TNFRSF19: variants seen among roughly 807,000 people sequenced by gnomAD.
The protein encoded by TNFRSF19 is tumor necrosis factor receptor superfamily member 19.
TNFRSF19 carries 27 observed loss-of-function variants against 46.4 expected under a neutral mutation model. That is an observed-to-expected ratio of 0.58 (90% CI 0.43 to 0.80). The LOEUF is 0.80. TNFRSF19 is among the 30% of genes least tolerant of loss of function. TNFRSF19 has a pLI of 0.00. For missense variants in TNFRSF19, 511 were observed against 530.8 expected, an observed-to-expected ratio of 0.96 and a Z score of 0.37; for synonymous variants, 204 against 205.0, an observed-to-expected ratio of 1.00 and a Z score of 0.04.
Position 23,668,830 on chromosome 13 carries a change from T to A in TNFRSF19, c.978T>A (p.Tyr326Ter). ...ACAACATCTCTTTTTGTGACTCTTA[T>A]CCTGAACTCACTGGAGAAGACATTC... Reference protein sequence around the residue: ...GGDNISFCDSYPELTGEDIHS... With the variant: ...GGDNISFCDS Residue 326 changes from tyrosine (Y) to a stop codon, truncating the protein, a stop_gained, in exon 9 of 10, where the codon TAT (tyrosine) becomes TAA (stop). Transcript: ENST00000248484. LOFTEE classifies it high-confidence loss of function. 1 of 1,614,250 alleles carries A rather than the reference T, an allele frequency of 6.2e-7. No homozygotes were observed. Among genetic ancestry groups the A allele is most frequent in the Non-Finnish European group, 8.5e-7 (1 of 1,180,046 alleles).
In TNFRSF19 at chr13:23,593,345, T is replaced by C; in HGVS notation, c.70T>C (p.Ser24Pro). 6.4e-7 allele frequency: 1 copy of C among 1,550,950 alleles called. No individual in the cohort carries two copies. ...FTLLVLLGYL[S>P]CKVTCESGDC... Reference sequence around the variant, plus strand: ...CATTTTGTTAAATTTTTTTTTTCAGTCATGTAAAGTGACTTGTGAATCAGG... The same window carrying C: ...CATTTTGTTAAATTTTTTTTTTCAGCCATGTAAAGTGACTTGTGAATCAGG... Residue 24 changes from serine to proline, a missense_variant and splice_region_variant, in exon 3 of 10, where the codon TCA becomes CCA. Ser to Pro is a moderately conservative substitution (Grantham distance 74, BLOSUM62 -1). Coordinates refer to ENST00000248484, the MANE Select transcript of TNFRSF19 (RefSeq NM_148957.4).
At chr13:23,656,584 G>A (rs1376570137) in intron 5 of TNFRSF19, among the ~76,000 whole-genome samples, 1 of 152,158 alleles carries the variant, frequency 6.6e-6, no homozygotes, top group East Asian at 1.9e-4. Flanking sequence ...TGAGAACTTT[G>A]AAGTCCTCCA....
In TNFRSF19 at chr13:23,668,749, C is replaced by T. The variant is rs756680746; in HGVS notation, c.897C>T (p.Ser299=). ...VPTFFGSLTQ[S]ICGEFSDAWP... is the part of the protein sequence containing the mutation. ...CTTTCTTCGGATCCCTCACGCAGTC[C>T]ATCTGTGGCGAGTTTTCAGATGCCT... Residue 299 remains serine (S), a synonymous_variant, in exon 9 of 10, where the codon TCC becomes TCT. Coordinates refer to ENST00000248484, the MANE Select transcript of TNFRSF19 (RefSeq NM_148957.4). The T allele has an allele frequency of 2.5e-6, 4 of 1,614,248 alleles. No homozygotes were observed. The highest frequency in any genetic ancestry group is 3.4e-6 in the Non-Finnish European group (4 of 1,180,042).
chr13:23,602,299 C>G, intron 3 of TNFRSF19, among the ~76,000 whole-genome samples: 1 of 152,088 alleles, frequency 6.6e-6, no homozygotes, highest in East Asian at 1.9e-4. Flanking sequence ...CATAAGGGAG[C>G]TAATTGTCTA....
rs543372318 is a variant in TNFRSF19, at chr13:23,587,372, C to T, written c.-34-2778C>T. Among the ~76,000 whole-genome samples, 248 of 152,232 alleles carry T rather than the reference C, an allele frequency of 1.6e-3. 4 individuals are homozygous for T. The highest frequency in any genetic ancestry group is 5.7e-3 in the African/African-American group (237 of 41,560). ...CCTCCACCAGCTAAATTGTTTATTT[C>T]TAAAATACTCCTAGGCCAGGCTATG... On this transcript the variant is annotated intron_variant, in intron 1 of 9. Transcript: ENST00000248484.
chr13:23,657,232 G>C (rs1184336994), intron 5 of TNFRSF19, among the ~76,000 whole-genome samples: 7 of 152,148 alleles, frequency 4.6e-5, no homozygotes, highest in Non-Finnish European at 5.9e-5. Context: ...CAAGACTCAT[G>C]CTCCAAGATG....
intron 1 of TNFRSF19, chr13:23,585,401 G>C (rs1023795117): frequency 6.6e-6 from 1 of 152,096 alleles, no homozygotes; most frequent in Non-Finnish European, 1.5e-5. Flanking sequence ...TTCTCAGAAA[G>C]GTTACTGATT....
At chr13:23,583,917 G>C (rs557635431) in intron 1 of TNFRSF19, among the ~76,000 whole-genome samples, 1 of 152,270 alleles carries the variant, frequency 6.6e-6, no homozygotes, top group East Asian at 1.9e-4. Context: ...AAACACATTA[G>C]TTACAGTATG....
At chr13:23,604,490 G>A (rs1439614774) in intron 3 of TNFRSF19, among the ~76,000 whole-genome samples, 1 of 152,092 alleles carries the variant, frequency 6.6e-6, no homozygotes, top group Non-Finnish European at 1.5e-5. Context: ...TTATTTTGTA[G>A]ATATTGACAA....
At chr13:23,636,475 C>T (rs1263081692) in intron 5 of TNFRSF19, among the ~76,000 whole-genome samples, 2 of 152,138 alleles carry the variant, frequency 1.3e-5, no homozygotes, top group African/African-American at 4.8e-5. Context: ...TTAGGGACAG[C>T]TATCTTGAAT....
intron 3 of TNFRSF19, among the ~76,000 whole-genome samples, chr13:23,595,711 C>T (rs894646069): frequency 6.6e-5 from 10 of 152,112 alleles, no homozygotes; most frequent in African/African-American, 9.7e-5. Flanking sequence ...GGAAAACTTT[C>T]CCAACCTAGC....
At chr13:23,654,873 G>A (rs1251453133) in intron 5 of TNFRSF19, among the ~76,000 whole-genome samples, 1 of 152,182 alleles carries the variant, frequency 6.6e-6, no homozygotes, top group Admixed American at 6.5e-5. Context: ...GGCACTGAAG[G>A]TGTGTTAGAA....
At chr13:23,646,301 C>T (rs768483886) in intron 5 of TNFRSF19, among the ~76,000 whole-genome samples, 3 of 152,092 alleles carry the variant, frequency 2.0e-5, no homozygotes, top group Non-Finnish European at 4.4e-5. Context: ...TAAAGTTTGC[C>T]ACTTCAGCCT....
intron 4 of TNFRSF19, among the ~76,000 whole-genome samples, chr13:23,617,261 A>G (rs747665794): frequency 2.6e-4 from 40 of 152,200 alleles, no homozygotes; most frequent in Non-Finnish European, 4.9e-4. Flanking sequence ...TACAGAGAGC[A>G]GAGGAAGGGG....
chr13:23,583,455 G>A (rs1878602311), intron 1 of TNFRSF19, among the ~76,000 whole-genome samples: 1 of 152,162 alleles, frequency 6.6e-6, no homozygotes, highest in Non-Finnish European at 1.5e-5. Context: ...TTAAAAGTAA[G>A]ATGTTTAAAC....
At chr13:23,670,568 A>G (rs1951743553) in intron 9 of TNFRSF19, among the ~76,000 whole-genome samples, 1 of 152,238 alleles carries the variant, frequency 6.6e-6, no homozygotes, top group South Asian at 2.1e-4. Context: ...GCCATCCATA[A>G]TTTGTAAAAT....
At chr13:23,579,429 C>T (rs945991899) in intron 1 of TNFRSF19, 3 of 152,642 alleles carry the variant, frequency 2.0e-5, no homozygotes, top group Non-Finnish European at 4.4e-5. Flanking sequence ...GGACTGGACC[C>T]CCATGCAACC....
chr13:23,600,495 G>A (rs1274453312), intron 3 of TNFRSF19, among the ~76,000 whole-genome samples: 4 of 152,134 alleles, frequency 2.6e-5, no homozygotes, highest in South Asian at 2.1e-4. Context: ...AACTCAAACC[G>A]ATTTTCATAG....
intron 3 of TNFRSF19, among the ~76,000 whole-genome samples, chr13:23,594,772 A>G (rs757840710): frequency 3.3e-5 from 5 of 152,222 alleles, no homozygotes; most frequent in African/African-American, 4.8e-5. Flanking sequence ...GCTAAGGGAC[A>G]GACTGCCTCC....
Sources: gnomAD v4.1 joint callset for allele counts (sites outside exome capture counted in the v4.1 genomes callset) on GRCh38, gnomAD v4.1.1 for gene constraint, MANE v1.5 for transcripts, NCBI Gene and HGNC (gene_info 2026-07-23, HGNC 2026-07-21) for gene names.